Variants in ATXN7L1 observed in about 807,000 individuals in gnomAD.
ATXN7L1 encodes ataxin-7-like protein 1.
ATXN7L1 carries 15 observed loss-of-function variants against 70.8 expected under a neutral mutation model. The observed-to-expected ratio is 0.21, with a 90% CI of 0.14 to 0.33. ATXN7L1 has a LOEUF of 0.33. ATXN7L1 is among the 10% of genes least tolerant of loss of function. ATXN7L1 has a pLI of 1.00. For synonymous variants in ATXN7L1, 440 were observed against 445.1 expected (o/e 0.99, Z 0.14); for missense variants, 975 against 1,097.1 (o/e 0.89, Z 1.57).
intron 2 of ATXN7L1, among the ~76,000 whole-genome samples, chr7:105,849,641 G>A (rs1184713690): frequency 6.6e-6 from 1 of 152,224 alleles, no homozygotes; most frequent in Non-Finnish European, 1.5e-5. Flanking sequence ...GCTGTATGTT[G>A]ATTTTCCTTC....
At chr7:105,811,445 C>T (rs1203208230) in intron 2 of ATXN7L1, among the ~76,000 whole-genome samples, 2 of 152,192 alleles carry the variant, frequency 1.3e-5, no homozygotes, top group Non-Finnish European at 2.9e-5. Context: ...TTATTTTAAG[C>T]CATCTAGTTT....
At position 105,607,791 on chromosome 7, in the gene ATXN7L1, T is replaced by C. The variant is rs1584266977; in HGVS notation, c.*61A>G. On this transcript the variant is annotated 3_prime_UTR_variant, in exon 12 of 12. Coordinates refer to ENST00000419735, the MANE Select transcript of ATXN7L1 (RefSeq NM_020725.2). ...CCACTCCCCTCCCTCCTCCTCCCCA[T>C]GGCCTCCTCGGATGGGATTAGGTGG... 2.7e-6 allele frequency: 4 copies of C among 1,458,572 alleles called. No individual in the cohort carries two copies. The highest frequency in any genetic ancestry group is 2.5e-5 in the East Asian group (1 of 40,456). 90.4% of individuals were successfully genotyped at this position (1,458,572 alleles called of 1,614,324 possible).
intron 4 of ATXN7L1, among the ~76,000 whole-genome samples, chr7:105,648,811 C>T (rs1306834995): frequency 6.7e-6 from 1 of 149,698 alleles, no homozygotes; most frequent in African/African-American, 2.6e-5. Flanking sequence ...CCCTGAATGA[C>T]AGGTTGGACT....
At chr7:105,741,322 A>G (rs547709784) in intron 3 of ATXN7L1, among the ~76,000 whole-genome samples, 3 of 152,196 alleles carry the variant, frequency 2.0e-5, no homozygotes, top group Non-Finnish European at 4.4e-5. Context: ...AACTTCTGTC[A>G]GAGCACTGGG....
At chr7:105,870,057 G>A (rs966755219) in intron 2 of ATXN7L1, among the ~76,000 whole-genome samples, 5 of 151,992 alleles carry the variant, frequency 3.3e-5, no homozygotes, top group African/African-American at 9.7e-5. Context: ...CGAGGCGGGC[G>A]GATCACAAAG....
chr7:105,635,844 GTTT>G (rs202036365), intron 7 of ATXN7L1, among the ~76,000 whole-genome samples: 3 of 140,208 alleles, frequency 2.1e-5, no homozygotes, highest in East Asian at 2.1e-4. Context: ...ATGTGCGATA[GTTT>G]TTTTTTTTTT....
At chr7:105,854,986 C>T (rs1233465563) in intron 2 of ATXN7L1, among the ~76,000 whole-genome samples, 20 of 146,370 alleles carry the variant, frequency 1.4e-4, no homozygotes, top group Non-Finnish European at 1.0e-4. Flanking sequence ...GATGGAGTCT[C>T]ACCCTGTCAC....
intron 5 of ATXN7L1, among the ~76,000 whole-genome samples, chr7:105,642,012 C>T (rs189674184): frequency 1.5e-3 from 230 of 152,326 alleles, no homozygotes; most frequent in Non-Finnish European, 2.5e-3. Context: ...CTGTATTTTA[C>T]TTTCTCTGGC....
chr7:105,766,280 T>A (rs573920420), intron 3 of ATXN7L1, among the ~76,000 whole-genome samples: 11 of 151,788 alleles, frequency 7.2e-5, no homozygotes, highest in Non-Finnish European at 1.5e-4. Context: ...TCTGAATGTA[T>A]CTCTCAAGCC....
chr7:105,647,386 G>A (rs541253344), intron 4 of ATXN7L1, among the ~76,000 whole-genome samples: 5 of 152,212 alleles, frequency 3.3e-5, no homozygotes, highest in Admixed American at 1.3e-4. Flanking sequence ...GGTGACTCAC[G>A]CCAGTAATCC....
chr7:105,649,843 A>G (rs1799592775), intron 4 of ATXN7L1, among the ~76,000 whole-genome samples: 1 of 152,174 alleles, frequency 6.6e-6, no homozygotes, highest in Admixed American at 6.5e-5. Flanking sequence ...GTGTGTGATG[A>G]GAGTTCTCAG....
At chr7:105,679,034 C>T in intron 3 of ATXN7L1, 2 of 976,770 alleles carry the variant, frequency 2.0e-6, no homozygotes, top group South Asian at 9.5e-5. Flanking sequence ...GGCCCTCGTG[C>T]CCTGCGCTCA....
intron 3 of ATXN7L1, among the ~76,000 whole-genome samples, chr7:105,676,796 C>T (rs979600486): frequency 1.3e-5 from 2 of 152,006 alleles, no homozygotes; most frequent in African/African-American, 2.4e-5. Context: ...ACCGAGATTG[C>T]GACACTGCAC....
At chr7:105,683,742 C>CA (rs1304506498) in intron 3 of ATXN7L1, among the ~76,000 whole-genome samples, 2 of 152,142 alleles carry the variant, frequency 1.3e-5, no homozygotes, top group Non-Finnish European at 2.9e-5. Flanking sequence ...CCACCACACA[C>CA]AAACACACGC....
rs113196771 is a variant in ATXN7L1 at position 105,622,406 on chromosome 7, C to T, written c.1395+1669G>A. Among the ~76,000 whole-genome samples the T allele has an allele frequency of 6.6e-5, 10 of 152,290 alleles. No individual in the cohort carries two copies. The East Asian group carries it at 9.6e-4, about 15-fold the overall frequency. On this transcript the variant is annotated intron_variant, in intron 8 of 11. Coordinates refer to ENST00000419735, the MANE Select transcript of ATXN7L1 (RefSeq NM_020725.2). ...CTGTGTATCTGATTCCGTACAGATG[C>T]GAGGCTAGGCCCTGAGAGGCTCCAG... is the stretch of plus-strand genomic sequence containing the variant.
chr7:105,860,530 G>A (rs957076531), intron 2 of ATXN7L1, among the ~76,000 whole-genome samples: 2 of 151,964 alleles, frequency 1.3e-5, no homozygotes, highest in Admixed American at 6.6e-5. Flanking sequence ...AATATCAGAT[G>A]GTGAATCAAA....
chr7:105,859,150 T>C (rs962231865), intron 2 of ATXN7L1, among the ~76,000 whole-genome samples: 3 of 152,228 alleles, frequency 2.0e-5, no homozygotes, highest in Admixed American at 6.5e-5. Flanking sequence ...GTATTATGAT[T>C]AGGCCAGAGA....
chr7:105,684,404 G>A (rs1360415994), intron 3 of ATXN7L1, among the ~76,000 whole-genome samples: 1 of 152,166 alleles, frequency 6.6e-6, no homozygotes, highest in Non-Finnish European at 1.5e-5. Context: ...ACAGACCATG[G>A]AACTCAGAAG....
chr7:105,752,315 G>C (rs1218424698), intron 3 of ATXN7L1, among the ~76,000 whole-genome samples: 1 of 152,226 alleles, frequency 6.6e-6, no homozygotes, highest in Non-Finnish European at 1.5e-5. Flanking sequence ...AGCTGAAGGA[G>C]GATCCAGAAG....
Sources: gnomAD v4.1 joint callset for allele counts (sites outside exome capture counted in the v4.1 genomes callset) on GRCh38, gnomAD v4.1.1 for gene constraint, MANE v1.5 for transcripts, NCBI Gene and HGNC (gene_info 2026-07-23, HGNC 2026-07-21) for gene names.